Variants in A1CF observed in about 807,000 individuals in gnomAD.
The protein encoded by A1CF is APOBEC-1 stimulating protein.
A1CF carries 48 observed loss-of-function variants against 68.9 expected under a neutral mutation model. The ratio of observed to expected loss-of-function variants is 0.70; its 90% CI spans 0.55 to 0.89. A1CF has a LOEUF of 0.89. Among genes scored for constraint, A1CF ranks in the 40% least tolerant of loss-of-function variants. A1CF has a pLI of 0.00. For synonymous variants in A1CF, 272 were observed against 260.4 expected (o/e 1.04, Z -0.43); for missense variants, 653 against 718.9 (o/e 0.91, Z 1.05).
At chr10:50,850,899 C>T in intron 3 of A1CF, 7 of 1,399,054 alleles carry the variant, frequency 5.0e-6, no homozygotes, top group Middle Eastern at 2.0e-4. Context: ...TTCAATAGGC[C>T]CATCTAACTT....
chr10:50,843,156 C>T (rs1839853448), intron 4 of A1CF, among the ~76,000 whole-genome samples: 1 of 152,186 alleles, frequency 6.6e-6, no homozygotes, highest in Admixed American at 6.5e-5. Flanking sequence ...TAATGAACAC[C>T]TATTTCTTCT....
chr10:50,828,221 T>C lies in A1CF; in HGVS notation c.679A>G (p.Met227Val). 1.2e-6 allele frequency: 2 copies of C among 1,607,670 alleles called. No individual in the cohort carries two copies. The highest frequency in any genetic ancestry group is 1.7e-6 in the Non-Finnish European group (2 of 1,175,194). ...EPEVEVDEDT[M>V]SSVKILYVRN... ...ACATATAGGATTTTCACTGAAGACA[T>C]TGTATCTTCATCAACTTCTACTTCT... Residue 227 changes from methionine (M) to valine (V), a missense_variant, in exon 7 of 13, where the codon ATG becomes GTG. Coordinates refer to ENST00000373997, the MANE Select transcript of A1CF (RefSeq NM_014576.4).
chr10:50,837,246 T>C (rs1286899342), intron 5 of A1CF, among the ~76,000 whole-genome samples: 2 of 152,216 alleles, frequency 1.3e-5, no homozygotes, highest in African/African-American at 4.8e-5. Context: ...TAAAATGTTA[T>C]AGATTTTAAG....
rs1589003225 is a variant in A1CF, at chr10:50,838,967, C to T, written c.366-2655G>A. 2.0e-5 allele frequency among the ~76,000 whole-genome samples: 3 copies of T among 152,244 alleles called. No homozygotes were observed. In the East Asian group the frequency reaches 5.8e-4, roughly 29 times the overall value. ...TATTTTTCCTTTTCTTTTCCCTTCT[C>T]CTCCTCCATCATCACCACCATAACC... On this transcript the variant is annotated intron_variant, in intron 5 of 12. Transcript: ENST00000373997.
intron 5 of A1CF, among the ~76,000 whole-genome samples, chr10:50,840,902 C>G (rs1272663174): frequency 1.3e-5 from 2 of 152,188 alleles, no homozygotes; most frequent in Non-Finnish European, 2.9e-5. Flanking sequence ...GGTTTCCTCC[C>G]TGAATTCTGA....
At chr10:50,844,923 A>G (rs1256767266) in intron 3 of A1CF, among the ~76,000 whole-genome samples, 1 of 152,180 alleles carries the variant, frequency 6.6e-6, no homozygotes, top group East Asian at 1.9e-4. Context: ...TTAAATCTTC[A>G]TATACACCAA....
intron 11 of A1CF, among the ~76,000 whole-genome samples, chr10:50,810,832 A>G (rs1299795895): frequency 1.3e-5 from 2 of 152,168 alleles, no homozygotes; most frequent in Non-Finnish European, 2.9e-5. Flanking sequence ...GTGATACTAC[A>G]CAACCTTCAT....
At chr10:50,836,383 G>T in intron 5 of A1CF, 71 bp from the exon 6 acceptor site, 1 of 1,497,126 alleles carries the variant, frequency 6.7e-7, no homozygotes, top group East Asian at 2.3e-5. Context: ...TATGGCTGTG[G>T]GCCAAATGTT....
intron 6 of A1CF, among the ~76,000 whole-genome samples, chr10:50,835,468 A>G (rs1371878269): frequency 2.0e-5 from 3 of 152,114 alleles, no homozygotes; most frequent in Non-Finnish European, 4.4e-5. Context: ...AACTGTAAAA[A>G]ATTTTCCTAA....
chr10:50,832,778 A>G (rs2132414299), intron 6 of A1CF, among the ~76,000 whole-genome samples: 1 of 152,340 alleles, frequency 6.6e-6, no homozygotes, highest in Admixed American at 6.5e-5. Context: ...ATTTAACAAT[A>G]CACTCTCCTC....
Position 50,844,034 on chromosome 10 carries a change from A to G in A1CF, c.188T>C (p.Leu63Pro). Residue 63 changes from leucine (L) to proline (P), a missense_variant, in exon 4 of 13, where the codon CTT becomes CCT. Coordinates refer to ENST00000373997, the MANE Select transcript of A1CF (RefSeq NM_014576.4). ...CTCATCCTCAAAAAGGTCTCGGGGA[A>G]GTTTTCCAATAAAAATTTCACAGCC... Reference protein sequence around the residue: ...ERGCEIFIGKLPRDLFEDELI... With the variant: ...ERGCEIFIGKPPRDLFEDELI... The G allele has an allele frequency of 6.2e-7, 1 of 1,613,922 alleles. No homozygotes were observed. The highest frequency in any genetic ancestry group is 8.5e-7 in the Non-Finnish European group (1 of 1,179,890).
rs1479670840 is a variant in A1CF at position 50,809,903 on chromosome 10, C to A, written c.1600G>T (p.Ala534Ser). The change falls in exon 12 of 13, where the codon GCT becomes TCT. Residue 534 changes from alanine to serine, a missense_variant. Transcript: ENST00000373997. ...CACAATTTTCCCATACCTGGGAAAG[C>A]AGTAGCAGCAGCAGCAGCAGTAGCC... The part of the protein sequence containing the change: ...TMATAAAAAT[A>S]FPGYAVPNAT... 6.2e-7 allele frequency: 1 copy of A among 1,613,906 alleles called. No homozygotes were observed. Among genetic ancestry groups the A allele is most frequent in the Non-Finnish European group, 8.5e-7 (1 of 1,179,870 alleles).
At chr10:50,877,848 C>T (rs112096275) in intron 1 of A1CF, among the ~76,000 whole-genome samples, 4,639 of 152,262 alleles carry the variant, frequency 0.03, 215 homozygotes, top group African/African-American at 0.1. Flanking sequence ...GAGGGCCGGG[C>T]GCCGTGGCTC....
chr10:50,875,625 TCTTAA>T lies in A1CF; in HGVS notation c.-94+9951_-94+9955del, dbSNP rs1382272669. Among the ~76,000 whole-genome samples the T allele has an allele frequency of 5.9e-5, 9 of 152,280 alleles. No homozygotes were observed. In the East Asian group the frequency reaches 1.5e-3, roughly 26 times the overall value. On this transcript the variant is annotated intron_variant, in intron 1 of 12. Coordinates refer to ENST00000373997, the MANE Select transcript of A1CF (RefSeq NM_014576.4). ...ATATAGGCACCTCATGAAGCCTGGATCTTAACTTGTTTTCTGCTTTTGGTACATAT... is the reference window on the plus strand; with the variant it reads ...ATATAGGCACCTCATGAAGCCTGGATCTTGTTTTCTGCTTTTGGTACATAT...
chr10:50,862,786 T>A (rs1001755958), intron 2 of A1CF: 2 of 152,238 alleles, frequency 1.3e-5, no homozygotes, highest in Non-Finnish European at 2.9e-5. Context: ...AAATTGTCTT[T>A]TCGTGAGGAT....
chr10:50,857,440 T>C (rs938728601), intron 3 of A1CF, among the ~76,000 whole-genome samples: 1 of 152,172 alleles, frequency 6.6e-6, no homozygotes, highest in Non-Finnish European at 1.5e-5. Flanking sequence ...GAAACTATTT[T>C]TCCATTGTTA....
intron 6 of A1CF, among the ~76,000 whole-genome samples, chr10:50,830,778 T>C (rs1412221573): frequency 6.6e-6 from 1 of 152,106 alleles, no homozygotes. Context: ...CTAAAATTTG[T>C]ATGGGGCCAC....
intron 6 of A1CF, among the ~76,000 whole-genome samples, chr10:50,832,509 G>A (rs2132413156): frequency 6.6e-6 from 1 of 152,296 alleles, no homozygotes; most frequent in South Asian, 2.1e-4. Flanking sequence ...AGCTGCATAA[G>A]GCTAAGGGAA....
At chr10:50,862,210 G>A (rs1259740293) in intron 2 of A1CF, among the ~76,000 whole-genome samples, 1 of 151,728 alleles carries the variant, frequency 6.6e-6, no homozygotes, top group African/African-American at 2.4e-5. Context: ...TATTAAAAAT[G>A]CAAAAATTAG....
Sources: gnomAD v4.1 joint callset for allele counts (sites outside exome capture counted in the v4.1 genomes callset) on GRCh38, gnomAD v4.1.1 for gene constraint, MANE v1.5 for transcripts, NCBI Gene and HGNC (gene_info 2026-07-23, HGNC 2026-07-21) for gene names.